Variants in VTI1A observed in about 807,000 individuals in gnomAD.
VTI1A encodes the protein vesicle transport through interaction with t-SNAREs 1A.
In VTI1A, 22 loss-of-function variants were observed where a neutral mutation model predicts 34.9. The ratio of observed to expected loss-of-function variants is 0.63; its 90% CI spans 0.45 to 0.90. The LOEUF (loss-of-function observed/expected upper bound fraction) is 0.90, where lower values mean the gene tolerates loss of function less well. Ranked by LOEUF, VTI1A falls within the 40% of genes least tolerant of loss-of-function variation. The probability of loss-of-function intolerance (pLI) is 0.00; values close to 1 mark genes in which losing one functional copy is unlikely to be tolerated. For synonymous variants in VTI1A, 87 were observed against 97.3 expected (o/e 0.89, Z 0.62); for missense variants, 268 against 275.6 (o/e 0.97, Z 0.20).
intron 7 of VTI1A, among the ~76,000 whole-genome samples, chr10:112,803,294 C>T (rs1300644995): frequency 6.6e-6 from 1 of 152,194 alleles, no homozygotes; most frequent in Non-Finnish European, 1.5e-5. Flanking sequence ...TCTCAAACTC[C>T]TGATCTCAAG....
At chr10:112,687,378 C>T (rs939485521) in intron 7 of VTI1A, among the ~76,000 whole-genome samples, 1 of 151,216 alleles carries the variant, frequency 6.6e-6, no homozygotes, top group African/African-American at 2.4e-5. Flanking sequence ...GGACTATAGG[C>T]TCCCACCACC....
At chr10:112,579,649 A>T (rs1000392628) in intron 5 of VTI1A, among the ~76,000 whole-genome samples, 6 of 152,244 alleles carry the variant, frequency 3.9e-5, no homozygotes, top group African/African-American at 1.4e-4. Context: ...AAGTCATCTC[A>T]TAAATGCTAC....
intron 5 of VTI1A, among the ~76,000 whole-genome samples, chr10:112,561,063 C>A (rs1430317255): frequency 6.6e-6 from 1 of 151,888 alleles, no homozygotes; most frequent in African/African-American, 2.4e-5. Flanking sequence ...TCAAGTGGTT[C>A]TCTCAAAAAA....
chr10:112,736,698 A>G (rs1314841674), intron 7 of VTI1A: 4 of 1,551,642 alleles, frequency 2.6e-6, no homozygotes, highest in African/African-American at 2.7e-5. Context: ...AATGCTACAT[A>G]AGGATTTCTC....
intron 5 of VTI1A, among the ~76,000 whole-genome samples, chr10:112,601,009 G>A (rs1844853957): frequency 6.6e-6 from 1 of 152,200 alleles, no homozygotes; most frequent in South Asian, 2.1e-4. Flanking sequence ...TGGACTGACA[G>A]GTGTAAGTTG....
At chr10:112,650,541 C>G (rs1846970770) in intron 5 of VTI1A, among the ~76,000 whole-genome samples, 1 of 151,940 alleles carries the variant, frequency 6.6e-6, no homozygotes, top group Non-Finnish European at 1.5e-5. Flanking sequence ...AAACCAATAA[C>G]ATAGTTGTTT....
intron 3 of VTI1A, among the ~76,000 whole-genome samples, chr10:112,471,802 A>G (rs953307008): frequency 3.8e-5 from 4 of 104,968 alleles, no homozygotes; most frequent in South Asian, 2.6e-4. Context: ...AGCCAAGAGG[A>G]AAAAAAAAAA....
At chr10:112,799,924 CAG>C (rs59003027) in intron 7 of VTI1A, among the ~76,000 whole-genome samples, 374 of 146,430 alleles carry the variant, frequency 2.6e-3, no homozygotes, top group Non-Finnish European at 2.4e-3. Context: ...CCCTGGAGCC[CAG>C]AGAGAGAGAG....
At chr10:112,708,935 G>C (rs1276192984) in intron 7 of VTI1A, among the ~76,000 whole-genome samples, 2 of 152,208 alleles carry the variant, frequency 1.3e-5, no homozygotes, top group African/African-American at 4.8e-5. Context: ...CTTGGTTTCT[G>C]GGTGGAAACC....
chr10:112,640,947 A>G lies in VTI1A; in HGVS notation c.428-27271A>G, dbSNP rs564970595. 1.1e-3 allele frequency among the ~76,000 whole-genome samples: 161 copies of G among 152,306 alleles called. 2 individuals carry two copies. The highest frequency in any genetic ancestry group is 3.7e-3 in the African/African-American group (155 of 41,574). On this transcript the variant is annotated intron_variant, in intron 5 of 7. Transcript: ENST00000393077. The stretch of plus-strand genomic sequence containing the variant: ...TTAGTATCCAAATTACTCTATTTAT[A>G]TCTCAGTTTCTAGCCAACAATGGAC...
At chr10:112,465,243 A>G (rs1322887121) in intron 3 of VTI1A, among the ~76,000 whole-genome samples, 2 of 152,102 alleles carry the variant, frequency 1.3e-5, no homozygotes, top group East Asian at 3.8e-4. Flanking sequence ...TTTCAACCGT[A>G]TCTGCTTTAT....
intron 5 of VTI1A, among the ~76,000 whole-genome samples, chr10:112,560,989 G>C (rs772472346): frequency 6.6e-6 from 1 of 151,998 alleles, no homozygotes; most frequent in Non-Finnish European, 1.5e-5. Context: ...AGAAGATTTC[G>C]TGTGGTTTTA....
At chr10:112,737,514 G>A (rs570913274) in intron 7 of VTI1A, 43 of 1,049,982 alleles carry the variant, frequency 4.1e-5, no homozygotes, top group African/African-American at 8.3e-5. Context: ...TGCCTTAGAC[G>A]GGGTGTGCAG....
chr10:112,820,630 G>A (rs950053803), downstream of VTI1A, among the ~76,000 whole-genome samples: 7 of 152,210 alleles, frequency 4.6e-5, no homozygotes, highest in African/African-American at 1.7e-4. Flanking sequence ...GAGCAGCCAG[G>A]CCCAGGCAGC....
chr10:112,830,849 A>ATATATTTTTTTTTTTTTT, the VTI1A span, among the ~76,000 whole-genome samples: 38 of 33,496 alleles, frequency 1.1e-3, no homozygotes, highest in East Asian at 1.5e-3. Flanking sequence ...ATATATATAT[A>ATATATTTTTTTTTTTTTT]TTTTTTTTTT....
At chr10:112,819,546 G>A (rs557343689), downstream of VTI1A, among the ~76,000 whole-genome samples, 5 of 152,250 alleles carry the variant, frequency 3.3e-5, no homozygotes, top group Admixed American at 1.3e-4. Context: ...CTGATTGGGG[G>A]TATGTCTTGG....
Position 112,637,420 on chromosome 10 carries a change from G to C in VTI1A, c.428-30798G>C, listed in dbSNP as rs139369402. Among the ~76,000 whole-genome samples the C allele has an allele frequency of 5.2e-3, 797 of 152,298 alleles. 9 individuals carry two copies. Among genetic ancestry groups the C allele is most frequent in the African/African-American group, 0.019 (774 of 41,556 alleles). ...GTGGTGGCTCACGCCTGTAATCCCA[G>C]CACTTTGGGAGGCCAAGGTGGGCGG... On this transcript the variant is annotated intron_variant, in intron 5 of 7. Coordinates refer to ENST00000393077, the MANE Select transcript of VTI1A (RefSeq NM_145206.4).
At chr10:112,554,651 T>C (rs548954987) in intron 5 of VTI1A, among the ~76,000 whole-genome samples, 1 of 152,282 alleles carries the variant, frequency 6.6e-6, no homozygotes, top group East Asian at 1.9e-4. Flanking sequence ...CTGACTTCTC[T>C]TTTTTAATTT....
chr10:112,478,489 A>T (rs1175790395), intron 3 of VTI1A, among the ~76,000 whole-genome samples: 1 of 152,194 alleles, frequency 6.6e-6, no homozygotes, highest in African/African-American at 2.4e-5. Context: ...AAATTTCTTA[A>T]ATATCCTGAA....
Sources: gnomAD v4.1 joint callset for allele counts (sites outside exome capture counted in the v4.1 genomes callset) on GRCh38, gnomAD v4.1.1 for gene constraint, MANE v1.5 for transcripts, NCBI Gene and HGNC (gene_info 2026-07-23, HGNC 2026-07-21) for gene names.